ANLN: variants seen among roughly 807,000 people sequenced by gnomAD.
ANLN encodes the protein anillin, actin binding protein, also known as anillin.
In ANLN, 59 loss-of-function variants were observed where a neutral mutation model predicts 135.1. The observed-to-expected ratio is 0.44, with a 90% CI of 0.35 to 0.54. ANLN has a LOEUF of 0.54. Ranked by LOEUF, ANLN falls within the 20% of genes least tolerant of loss-of-function variation. The pLI is 0.00. For synonymous variants in ANLN, 406 were observed against 456.4 expected (o/e 0.89, Z 1.41); for missense variants, 1,182 against 1,340.0 (o/e 0.88, Z 1.84).
intron 21 of ANLN, among the ~76,000 whole-genome samples, chr7:36,442,384 T>G (rs1788809612): frequency 6.6e-6 from 1 of 152,168 alleles, no homozygotes. Flanking sequence ...ACTGACTGTT[T>G]TTATAGTCTT....
chr7:36,418,325 A>G (rs573017910), intron 9 of ANLN, among the ~76,000 whole-genome samples: 5 of 152,178 alleles, frequency 3.3e-5, no homozygotes, highest in Non-Finnish European at 4.4e-5. Flanking sequence ...AAGAACCACA[A>G]TGAGAAAGAT....
At chr7:36,434,125 A>G (rs950899197) in intron 20 of ANLN, among the ~76,000 whole-genome samples, 1 of 152,206 alleles carries the variant, frequency 6.6e-6, no homozygotes, top group African/African-American at 2.4e-5. Flanking sequence ...AGAGACTGAA[A>G]TAGGTAATAC....
chr7:36,397,367 A>G (rs574646912), intron 2 of ANLN, among the ~76,000 whole-genome samples: 2 of 152,300 alleles, frequency 1.3e-5, no homozygotes, highest in Non-Finnish European at 2.9e-5. Flanking sequence ...TGTACTATTG[A>G]GTGCTATGTA....
intron 9 of ANLN, 38 bp from the exon 10 acceptor site, chr7:36,419,206 T>A: frequency 7.0e-7 from 1 of 1,432,090 alleles, no homozygotes; most frequent in Non-Finnish European, 9.8e-7. Context: ...TTCTTAAATA[T>A]CTGAGTCACA....
rs750093417 is a variant in ANLN, at chr7:36,417,184, A to C, written c.1627A>C (p.Lys543Gln). ...AACATCAGACCCAAAGGTTGAGCAG[A>C]AAATTGGTTGGTTTTTATTCTTTAT... ...KVTSDPKVEQ[K>Q]IEVIREIEMS... is the part of the protein sequence containing the mutation. Residue 543 changes from lysine (K) to glutamine (Q), a missense_variant, in exon 9 of 24, where the codon AAA becomes CAA. Physicochemically the swap from Lys to Gln is moderately conservative, Grantham distance 53. Around this residue, in one of 3 missense-constraint regions of ANLN, gnomAD observed 1,022 missense variants for 1,134.0 expected, o/e 0.90. Transcript: ENST00000265748. 12 of 1,585,618 alleles carry C rather than the reference A, an allele frequency of 7.6e-6. No individual in the cohort carries two copies. In the South Asian group the frequency reaches 1.4e-4, roughly 18 times the overall value.
chr7:36,418,600 A>G (rs1787743310), intron 9 of ANLN, among the ~76,000 whole-genome samples: 2 of 152,338 alleles, frequency 1.3e-5, no homozygotes, highest in South Asian at 4.2e-4. Context: ...GTAGCTCTCA[A>G]CGATAGAAAA....
intron 1 of ANLN, among the ~76,000 whole-genome samples, chr7:36,394,862 C>G (rs1786632495): frequency 6.6e-6 from 1 of 151,986 alleles, no homozygotes. Context: ...TTTACAGGGT[C>G]TTGTGTTTGA....
chr7:36,439,145 A>G (rs1788663327), intron 20 of ANLN, 59 bp from the exon 21 acceptor site: 2 of 947,192 alleles, frequency 2.1e-6, no homozygotes, highest in East Asian at 4.8e-5. Flanking sequence ...TACATGATTT[A>G]TCAAGAAAAA....
At chr7:36,422,890 A>G (rs1311599879) in intron 14 of ANLN, 81 bp downstream of exon 14, 2 of 1,334,356 alleles carry the variant, frequency 1.5e-6, no homozygotes, top group African/African-American at 1.5e-5. Context: ...AAACAAGTAA[A>G]TCATGCATAA....
chr7:36,393,474 A>G (rs1367053053), intron 1 of ANLN, among the ~76,000 whole-genome samples: 1 of 152,224 alleles, frequency 6.6e-6, no homozygotes, highest in African/African-American at 2.4e-5. Context: ...TTAGCCAGGT[A>G]TACATATTCA....
intron 20 of ANLN, among the ~76,000 whole-genome samples, chr7:36,431,561 TTG>T (rs1186662720): frequency 0.011 from 806 of 76,036 alleles, 19 homozygotes; most frequent in African/African-American, 0.029. Context: ...ATGTGTGTGT[TTG>T]TGTGTGTGTG....
intron 20 of ANLN, among the ~76,000 whole-genome samples, chr7:36,433,861 A>G (rs1345777406): frequency 6.6e-6 from 1 of 151,596 alleles, no homozygotes; most frequent in East Asian, 1.9e-4. Context: ...TGAAATTTTC[A>G]TTTGGATTTT....
chr7:36,407,373 A>G (rs1303343397), intron 4 of ANLN, among the ~76,000 whole-genome samples: 4 of 152,154 alleles, frequency 2.6e-5, no homozygotes, highest in Non-Finnish European at 5.9e-5. Flanking sequence ...TTAAATTTTT[A>G]TTGACTTAAT....
At chr7:36,431,597 G>GTGTATATATA (rs1306528982) in intron 20 of ANLN, among the ~76,000 whole-genome samples, 7 of 27,440 alleles carry the variant, frequency 2.6e-4, no homozygotes, top group African/African-American at 5.9e-4. Flanking sequence ...GTGTGTGTGT[G>GTGTATATATA]TATATATATA....
chr7:36,412,868 C>G (rs1179408156), intron 7 of ANLN, among the ~76,000 whole-genome samples: 2 of 152,174 alleles, frequency 1.3e-5, no homozygotes, highest in African/African-American at 4.8e-5. Context: ...CTTCTGTTCT[C>G]TGCCAGGAAT....
intron 3 of ANLN, among the ~76,000 whole-genome samples, chr7:36,403,822 G>T (rs1321221416): frequency 6.6e-6 from 1 of 152,064 alleles, no homozygotes. Flanking sequence ...GCTAAGTTTT[G>T]CATTTTTTGT....
At chr7:36,442,779 T>C (rs1468291980) in intron 21 of ANLN, among the ~76,000 whole-genome samples, 1 of 151,908 alleles carries the variant, frequency 6.6e-6, no homozygotes, top group East Asian at 1.9e-4. Context: ...CTACAGATGC[T>C]CACCGCCACG....
chr7:36,412,564 G>A (rs1036835717), intron 7 of ANLN, among the ~76,000 whole-genome samples: 1 of 151,960 alleles, frequency 6.6e-6, no homozygotes, highest in Non-Finnish European at 1.5e-5. Context: ...GTGACCTCAG[G>A]TGATCCGCCC....
chr7:36,442,537 C>T (rs991548781), intron 21 of ANLN, among the ~76,000 whole-genome samples: 23 of 152,152 alleles, frequency 1.5e-4, no homozygotes, highest in African/African-American at 5.3e-4. Context: ...AAAGGTTTCC[C>T]TGATCTACAG....
Sources: gnomAD v4.1 joint callset for allele counts (sites outside exome capture counted in the v4.1 genomes callset) on GRCh38, gnomAD v4.1.1 for gene constraint, gnomAD v4.1.1 regional missense constraint, MANE v1.5 for transcripts, NCBI Gene and HGNC (gene_info 2026-07-23, HGNC 2026-07-21) for gene names.